The following PACS2 variants were observed in gnomAD, a reference collection of about 807,000 sequenced individuals.
PACS2 encodes the protein phosphofurin acidic cluster sorting protein 2, also known as PACS1-like protein.
PACS2 carries 36 observed loss-of-function variants against 113.0 expected under a neutral mutation model. That is an observed-to-expected ratio of 0.32 (90% CI 0.24 to 0.42). The LOEUF (loss-of-function observed/expected upper bound fraction) is 0.42, where lower values mean the gene tolerates loss of function less well. Ranked by LOEUF, PACS2 falls within the 10% of genes least tolerant of loss-of-function variation. The pLI is 1.00. For synonymous variants in PACS2, 589 were observed against 536.1 expected (o/e 1.10, Z -1.36); for missense variants, 1,015 against 1,239.5 (o/e 0.82, Z 2.72).
At chr14:105,342,274 A>ATG (rs1566920073) in intron 1 of PACS2, among the ~76,000 whole-genome samples, 1 of 122,608 alleles carries the variant, frequency 8.2e-6, no homozygotes, top group Non-Finnish European at 1.7e-5. Flanking sequence ...GTGTGTGTCT[A>ATG]TGTGTGAGAG....
chr14:105,394,433 A>G lies in PACS2; in HGVS notation c.2597-121A>G, dbSNP rs112534735. ...GAGGAAAGTGTTGATGCCCTCCAGC[A>G]TGGGGCTCCTTCTCATCCTGTACGC... On this transcript the variant is annotated intron_variant, in intron 24 of 24. Transcript: ENST00000447393. The G allele has an allele frequency of 1.8e-3, 2,759 of 1,513,200 alleles. 53 individuals carry two copies. In the African/African-American group the frequency reaches 0.033, roughly 18 times the overall value. The allele number at this position is 1,513,200 out of a possible 1,614,324, so 93.7% of individuals were successfully genotyped here.
intron 13 of PACS2, 130 bp downstream of exon 13, chr14:105,382,188 A>G: frequency 9.2e-7 from 1 of 1,089,376 alleles, no homozygotes; most frequent in South Asian, 1.6e-5. Flanking sequence ...TGGGCTTTGG[A>G]GGGCTCCTGC....
chr14:105,352,924 G>C (rs2060262244), intron 3 of PACS2, among the ~76,000 whole-genome samples: 1 of 131,772 alleles, frequency 7.6e-6, no homozygotes, highest in Non-Finnish European at 1.6e-5. Flanking sequence ...CTGTCCCCTG[G>C]GGAGATGGGC....
chr14:105,303,865 A>T (rs1485882029), intron 1 of PACS2, among the ~76,000 whole-genome samples: 3 of 152,226 alleles, frequency 2.0e-5, no homozygotes, highest in African/African-American at 4.8e-5. Flanking sequence ...TAGCTTGCAG[A>T]CACTGTTGTC....
intron 1 of PACS2, among the ~76,000 whole-genome samples, chr14:105,332,927 T>C (rs1314911829): frequency 2.6e-5 from 4 of 152,186 alleles, no homozygotes; most frequent in African/African-American, 9.7e-5. Flanking sequence ...CCCACCGCCA[T>C]CGTCCCCCCA....
At position 105,395,947 on chromosome 14, in the gene PACS2, G is replaced by C. The variant is rs1292612760; in HGVS notation, c.*1275G>C. Reference sequence around the variant, plus strand: ...ATCGACCCTGGGGGCTCTTGGCCTGGTTTCGTAAGATGGAGCACTGCAAAA... The same window carrying C: ...ATCGACCCTGGGGGCTCTTGGCCTGCTTTCGTAAGATGGAGCACTGCAAAA... On this transcript the variant is annotated 3_prime_UTR_variant, in exon 25 of 25. Transcript: ENST00000447393. 1 of 152,302 alleles carries C rather than the reference G, an allele frequency of 6.6e-6. No homozygotes were observed. The highest frequency in any genetic ancestry group is 1.9e-4 in the East Asian group (1 of 5,194). The allele number at this position is 152,302 out of a possible 1,614,324, so 9.4% of individuals were successfully genotyped here. A position where few individuals can be genotyped will look rare whatever the true frequency, so the allele number is the denominator to read the frequency against.
chr14:105,350,899 C>T (rs1199889646), intron 2 of PACS2, among the ~76,000 whole-genome samples: 3 of 152,178 alleles, frequency 2.0e-5, no homozygotes, highest in African/African-American at 4.8e-5. Flanking sequence ...GAGGGCTGGC[C>T]GAGGAGAGCC....
rs1213862080 is a variant in PACS2, at chr14:105,315,839, C to G, written c.119+802C>G. On this transcript the variant is annotated intron_variant, in intron 1 of 24. Transcript: ENST00000447393. The surrounding 1 kb of genome is among the most constrained non-coding windows in gnomAD (Gnocchi z 4.4). ...GCTCCCAGGCTAAGGAGGAGAGAGA[C>G]ACGCTCTCCGGAAAAGTTCTGGTTC... 3.3e-5 allele frequency among the ~76,000 whole-genome samples: 5 copies of G among 152,226 alleles called. No individual in the cohort carries two copies. The highest frequency in any genetic ancestry group is 5.9e-5 in the Non-Finnish European group (4 of 68,036).
rs192833921 is a variant in PACS2, at chr14:105,354,057, C to T, written c.298-995C>T. Among the ~76,000 whole-genome samples the T allele has an allele frequency of 3.3e-5, 5 of 151,972 alleles. 1 individual carries two copies. The East Asian group carries it at 9.8e-4, about 30-fold the overall frequency. The stretch of plus-strand genomic sequence containing the variant: ...GAGCTGAGATCATGCCATAGCACTC[C>T]AGCCTGGGGGACAGAGTGAGACTCC... On this transcript the variant is annotated intron_variant, in intron 3 of 24. Transcript: ENST00000447393. The surrounding 1 kb of genome is among the most constrained non-coding windows in gnomAD (Gnocchi z 4.2).
intron 20 of PACS2, chr14:105,390,216 C>A: frequency 1.6e-6 from 1 of 610,762 alleles, no homozygotes; most frequent in Admixed American, 2.5e-5. Context: ...CCCCTTAGCT[C>A]TGCCTTGGGG....
At chr14:105,385,427 G>A (rs1445545078) in intron 18 of PACS2, among the ~76,000 whole-genome samples, 1 of 152,176 alleles carries the variant, frequency 6.6e-6, no homozygotes, top group Non-Finnish European at 1.5e-5. Context: ...GTGCTCAGGA[G>A]CCCCCGGCCG....
At chr14:105,378,056 C>T (rs140122032) in intron 9 of PACS2, among the ~76,000 whole-genome samples, 3,959 of 152,340 alleles carry the variant, frequency 0.026, 180 homozygotes, top group African/African-American at 0.089. Context: ...GGTCCCTCCT[C>T]CACCTTCGGA....
chr14:105,382,421 G>T, intron 13 of PACS2, 56 bp from the exon 14 acceptor site: 1 of 1,045,780 alleles, frequency 9.6e-7, no homozygotes, highest in East Asian at 2.4e-5. Context: ...GGCTGGCGTG[G>T]TGGGGATGGG....
intron 1 of PACS2, among the ~76,000 whole-genome samples, chr14:105,327,548 C>T (rs1056305293): frequency 5.9e-5 from 9 of 152,098 alleles, no homozygotes; most frequent in African/African-American, 1.2e-4. Flanking sequence ...CTGCCGCTAG[C>T]GCTCGGAGCC....
intron 3 of PACS2, 53 bp downstream of exon 3, chr14:105,352,520 CG>C (rs2141028085): frequency 9.0e-7 from 1 of 1,113,766 alleles, no homozygotes; most frequent in Non-Finnish European, 1.4e-6. Flanking sequence ...CCTGGGGAGA[CG>C]GGCCCCCCTC....
intron 1 of PACS2, among the ~76,000 whole-genome samples, chr14:105,305,789 C>A (rs758382058): frequency 1.3e-5 from 2 of 152,202 alleles, no homozygotes; most frequent in East Asian, 1.9e-4. Context: ...CAAGCAAGGG[C>A]GGCCAAGGGG....
chr14:105,365,091 C>A lies in PACS2; in HGVS notation c.424-2122C>A, dbSNP rs1348288826. On this transcript the variant is annotated intron_variant, in intron 4 of 24. Coordinates refer to ENST00000447393, the MANE Select transcript of PACS2 (RefSeq NM_001100913.3). This position sits in a 1 kb window ranked among gnomAD's most constrained non-coding sequence, Gnocchi z 5.1. Reference sequence around the variant, plus strand: ...GAGGGAGCTGGGCCCTGGGGCCACCCTCCCTGGTGAGGCAGCTCCAGCCCT... The same window carrying A: ...GAGGGAGCTGGGCCCTGGGGCCACCATCCCTGGTGAGGCAGCTCCAGCCCT... Among the ~76,000 whole-genome samples, 2 of 152,226 alleles carry A rather than the reference C, an allele frequency of 1.3e-5. No homozygotes were observed. The highest frequency in any genetic ancestry group is 2.9e-5 in the Non-Finnish European group (2 of 68,030).
At chr14:105,367,404 C>G in intron 5 of PACS2, 29 bp downstream of exon 5, 2 of 1,605,000 alleles carry the variant, frequency 1.2e-6, no homozygotes, top group Non-Finnish European at 1.7e-6. Context: ...CGCTCCTGCC[C>G]CTGCTGTGGG....
chr14:105,350,276 G>A (rs2060119793), intron 2 of PACS2, among the ~76,000 whole-genome samples: 1 of 152,180 alleles, frequency 6.6e-6, no homozygotes, highest in Admixed American at 6.5e-5. Context: ...GGTCTTCAGA[G>A]CAATGCAGAA....
Sources: gnomAD v4.1 joint callset for allele counts (sites outside exome capture counted in the v4.1 genomes callset) on GRCh38, gnomAD v4.1.1 for gene constraint, Gnocchi (gnomAD v3.1) non-coding constraint, MANE v1.5 for transcripts, NCBI Gene and HGNC (gene_info 2026-07-23, HGNC 2026-07-21) for gene names.